Variants in CDH18 observed in about 807,000 individuals in gnomAD.
CDH18 encodes cadherin 18.
A neutral mutation model predicts 67.9 loss-of-function variants in CDH18; 31 were observed. The ratio of observed to expected loss-of-function variants is 0.46; its 90% CI spans 0.34 to 0.62. The LOEUF is 0.62. Among genes scored for constraint, CDH18 ranks in the 20% least tolerant of loss-of-function variants. The pLI is 0.01. For missense variants in CDH18, 890 were observed against 975.5 expected (o/e 0.91, Z 1.17); for synonymous variants, 362 against 347.2 (o/e 1.04, Z -0.48).
chr5:20,178,183 G>A (rs530881309), intron 2 of CDH18, among the ~76,000 whole-genome samples: 88 of 152,174 alleles, frequency 5.8e-4, no homozygotes, highest in Middle Eastern at 3.4e-3. Context: ...AAACATGGGT[G>A]CTTCTCGGAG....
intron 1 of CDH18, among the ~76,000 whole-genome samples, chr5:20,501,711 A>G (rs1754337131): frequency 1.0e-5 from 1 of 97,912 alleles, no homozygotes; most frequent in Non-Finnish European, 2.0e-5. Flanking sequence ...CTAAAATCTT[A>G]AGGATTTGTG....
At chr5:19,621,798 G>T (rs1034972111) in intron 5 of CDH18, among the ~76,000 whole-genome samples, 1 of 152,098 alleles carries the variant, frequency 6.6e-6, no homozygotes, top group Non-Finnish European at 1.5e-5. Context: ...CTTAAAAATT[G>T]TTTAAAAGGT....
chr5:20,531,899 T>A (rs1465679700), intron 1 of CDH18, among the ~76,000 whole-genome samples: 2 of 151,934 alleles, frequency 1.3e-5, no homozygotes, highest in Non-Finnish European at 2.9e-5. Context: ...ATAATAAAAT[T>A]AAAATTTAAT....
In CDH18 at chr5:20,088,820, A is replaced by C. The variant is rs73762491; in HGVS notation, c.-517-96806T>G. 5.3e-3 allele frequency among the ~76,000 whole-genome samples: 811 copies of C among 152,284 alleles called. 8 individuals are homozygous for C. The highest frequency in any genetic ancestry group is 0.018 in the African/African-American group (754 of 41,576). ...AAGGAACATTCAAGAGGTGAATTAA[A>C]TTGCCTGTGATCACAATACCAGTAG... is the stretch of plus-strand genomic sequence containing the variant. On this transcript the variant is annotated intron_variant, in intron 2 of 14. Coordinates refer to the CDH18 transcript ENST00000507958.
intron 1 of CDH18, among the ~76,000 whole-genome samples, chr5:20,490,037 AT>A (rs1362194201): frequency 6.6e-6 from 1 of 150,878 alleles, no homozygotes; most frequent in Non-Finnish European, 1.5e-5. Context: ...ATAATAAATC[AT>A]TAATTGAATA....
chr5:20,260,565 A>AATCTGAGGAACC (rs1744572622), intron 1 of CDH18, among the ~76,000 whole-genome samples: 1 of 152,172 alleles, frequency 6.6e-6, no homozygotes, highest in African/African-American at 2.4e-5. Context: ...TTTCAGAAAG[A>AATCTGAGGAACC]CTTAAACAGT....
At chr5:20,077,318 A>G (rs1020303856) in intron 2 of CDH18, among the ~76,000 whole-genome samples, 2 of 152,218 alleles carry the variant, frequency 1.3e-5, no homozygotes, top group African/African-American at 4.8e-5. Context: ...ATAACCTAAC[A>G]ATAACCTTTT....
At chr5:19,849,755 C>T (rs112279426) in intron 2 of CDH18, among the ~76,000 whole-genome samples, 1 of 85,080 alleles carries the variant, frequency 1.2e-5, no homozygotes, top group African/African-American at 3.0e-5. Context: ...TATATATACA[C>T]GCATATATAT....
intron 1 of CDH18, among the ~76,000 whole-genome samples, chr5:20,368,736 C>T (rs369727622): frequency 1.3e-5 from 2 of 152,138 alleles, no homozygotes; most frequent in Non-Finnish European, 2.9e-5. Flanking sequence ...GGCATTAGAG[C>T]ACACAAAGCC....
At position 20,288,569 on chromosome 5, in the gene CDH18, C is replaced by T. The variant is rs115707052; in HGVS notation, c.-579-33064G>A. On this transcript the variant is annotated intron_variant, in intron 1 of 14. Transcript: ENST00000507958. ...TTTTCTGGTACAGAAGTTGGTAATT[C>T]ATGACATCAAAATAATTTGACTGCC... Among the ~76,000 whole-genome samples the T allele has an allele frequency of 1.0e-3, 156 of 151,734 alleles. 1 individual carries two copies. The highest frequency in any genetic ancestry group is 3.6e-3 in the African/African-American group (150 of 41,438).
intron 2 of CDH18, among the ~76,000 whole-genome samples, chr5:20,062,979 T>C (rs959430334): frequency 1.7e-5 from 2 of 118,900 alleles, no homozygotes; most frequent in Non-Finnish European, 3.3e-5. Context: ...CCAATATGCT[T>C]CTTTTTTCTT....
At chr5:20,430,935 G>A (rs1441844024) in intron 1 of CDH18, among the ~76,000 whole-genome samples, 1 of 152,018 alleles carries the variant, frequency 6.6e-6, no homozygotes, top group East Asian at 1.9e-4. Context: ...TTACGAAAAT[G>A]TTTTCTAAAG....
intron 7 of CDH18, among the ~76,000 whole-genome samples, chr5:19,573,722 A>G (rs1018848999): frequency 6.6e-6 from 1 of 152,200 alleles, no homozygotes; most frequent in Non-Finnish European, 1.5e-5. Flanking sequence ...CGTCCTAGAA[A>G]TGGTACATAC....
intron 1 of CDH18, among the ~76,000 whole-genome samples, chr5:20,277,001 G>A (rs993933405): frequency 6.6e-6 from 1 of 152,110 alleles, no homozygotes; most frequent in African/African-American, 2.4e-5. Flanking sequence ...AGCTGCAGTA[G>A]AATAGAGCAC....
At chr5:20,535,639 G>A (rs1756669669) in intron 1 of CDH18, among the ~76,000 whole-genome samples, 1 of 152,046 alleles carries the variant, frequency 6.6e-6, no homozygotes, top group Non-Finnish European at 1.5e-5. Context: ...TTCCCAGTGT[G>A]CCATATAACT....
chr5:20,117,098 G>T (rs1747988339), intron 2 of CDH18, among the ~76,000 whole-genome samples: 2 of 151,898 alleles, frequency 1.3e-5, no homozygotes, highest in South Asian at 4.2e-4. Context: ...AAGAGAATTT[G>T]ATTTTCCTTC....
chr5:20,000,049 C>A (rs1433681770), intron 2 of CDH18, among the ~76,000 whole-genome samples: 1 of 152,092 alleles, frequency 6.6e-6, no homozygotes, highest in Admixed American at 6.5e-5. Context: ...CCTTTCATAT[C>A]ATGGCAGTGA....
chr5:20,443,372 G>C (rs1359662353), intron 1 of CDH18, among the ~76,000 whole-genome samples: 1 of 151,726 alleles, frequency 6.6e-6, no homozygotes. Context: ...ACATTTAACA[G>C]TGCACAATTA....
At chr5:20,321,272 A>T (rs2150007066) in intron 1 of CDH18, among the ~76,000 whole-genome samples, 1 of 152,004 alleles carries the variant, frequency 6.6e-6, no homozygotes, top group South Asian at 2.1e-4. Flanking sequence ...AGTTTCCTAA[A>T]CTTCCATCTT....
Sources: allele counts gnomAD v4.1 joint callset (sites outside exome capture counted in the v4.1 genomes callset), GRCh38; gene constraint gnomAD v4.1.1; transcripts MANE v1.5; gene names NCBI Gene and HGNC (gene_info 2026-07-23, HGNC 2026-07-21).